Variants in PNISR observed in about 807,000 individuals in gnomAD.
PNISR encodes arginine/serine-rich protein PNISR.
PNISR carries 20 observed loss-of-function variants against 93.4 expected under a neutral mutation model. The ratio of observed to expected loss-of-function variants is 0.21; its 90% CI spans 0.15 to 0.31. The LOEUF (loss-of-function observed/expected upper bound fraction) is 0.31. Ranked by LOEUF, PNISR falls within the 10% of genes least tolerant of loss-of-function variation. PNISR has a pLI of 1.00. For synonymous variants in PNISR, 305 were observed against 306.5 expected (o/e 0.99, Z 0.05); for missense variants, 893 against 985.4 (o/e 0.91, Z 1.25).
chr6:99,425,191 G>A (rs1395071892), intron 1 of PNISR, 24 bp downstream of exon 1: 3 of 1,226,486 alleles, frequency 2.4e-6, no homozygotes, highest in Admixed American at 4.2e-5. Context: ...AAGTGCCCAC[G>A]TATAATTGTT....
intron 7 of PNISR, among the ~76,000 whole-genome samples, chr6:99,406,743 C>G (rs1003772658): frequency 2.6e-5 from 4 of 152,122 alleles, no homozygotes; most frequent in Admixed American, 1.3e-4. Flanking sequence ...CAAATGCCAG[C>G]AGTTTGTCTC....
chr6:99,409,388 T>A, intron 5 of PNISR, 44 bp from the exon 6 acceptor site: 1 of 1,569,058 alleles, frequency 6.4e-7, no homozygotes, highest in Non-Finnish European at 8.7e-7. Context: ...ATTAATACAA[T>A]ATACTCTCTG....
At chr6:99,403,297 T>C (rs932551660) in intron 10 of PNISR, 1 of 152,278 alleles carries the variant, frequency 6.6e-6, no homozygotes, top group African/African-American at 2.4e-5. Context: ...TTCAAGCTTT[T>C]ACAGCCTTGA....
intron 9 of PNISR, chr6:99,404,262 A>T (rs1775863933): frequency 2.7e-6 from 1 of 364,450 alleles, no homozygotes; most frequent in Admixed American, 4.5e-5. Flanking sequence ...ATAATTCAAA[A>T]TTCATTAGTC....
rs1020327242 is a variant in PNISR at position 99,402,870 on chromosome 6, G to A, written c.1157-160C>T. The A allele has an allele frequency of 1.0e-5, 5 of 478,394 alleles. No homozygotes were observed. The Admixed American group carries it at 1.8e-4, about 17-fold the overall frequency. 29.6% of individuals were successfully genotyped at this position (478,394 alleles called of 1,614,324 possible). The stretch of plus-strand genomic sequence containing the variant: ...AGAAGTATACATTCAAACGCTTAAG[G>A]AGTTCACAGAACCTTCAGGCAAAGG... On this transcript the variant is annotated intron_variant, in intron 10 of 11. Coordinates refer to ENST00000369239, the MANE Select transcript of PNISR (RefSeq NM_032870.4).
At chr6:99,424,009 C>T (rs1779043676) in intron 1 of PNISR, among the ~76,000 whole-genome samples, 1 of 152,008 alleles carries the variant, frequency 6.6e-6, no homozygotes, top group South Asian at 2.1e-4. Context: ...CTTTAAAGAC[C>T]CTCTCTCCAA....
At chr6:99,423,371 T>G (rs1778890981) in intron 1 of PNISR, among the ~76,000 whole-genome samples, 1 of 152,080 alleles carries the variant, frequency 6.6e-6, no homozygotes, top group Non-Finnish European at 1.5e-5. Flanking sequence ...CCAAATAAAT[T>G]ATGTAAATAT....
intron 1 of PNISR, among the ~76,000 whole-genome samples, chr6:99,420,816 A>G (rs1778454625): frequency 6.6e-6 from 1 of 152,344 alleles, no homozygotes; most frequent in East Asian, 1.9e-4. Flanking sequence ...ATGACATACA[A>G]TAATACTTTT....
At chr6:99,420,060 A>G (rs1778338357) in intron 1 of PNISR, among the ~76,000 whole-genome samples, 1 of 152,054 alleles carries the variant, frequency 6.6e-6, no homozygotes, top group Admixed American at 6.5e-5. Flanking sequence ...AATTTTTTGT[A>G]GTTTAGTGGA....
intron 1 of PNISR, among the ~76,000 whole-genome samples, chr6:99,420,039 C>A (rs1778333905): frequency 6.6e-6 from 1 of 152,100 alleles, no homozygotes; most frequent in Non-Finnish European, 1.5e-5. Context: ...CGCCTGCTAC[C>A]ACGCCCGGCT....
chr6:99,419,194 C>CAAAAAA (rs1778211291), intron 1 of PNISR, among the ~76,000 whole-genome samples: 1 of 69,764 alleles, frequency 1.4e-5, no homozygotes, highest in Non-Finnish European at 3.2e-5. Context: ...AAAAAAAGGG[C>CAAAAAA]AATTTACCAT....
intron 1 of PNISR, among the ~76,000 whole-genome samples, chr6:99,424,746 G>C (rs1007661107): frequency 1.3e-5 from 2 of 152,240 alleles, no homozygotes; most frequent in Admixed American, 6.5e-5. Flanking sequence ...TACCTTTAGC[G>C]AAGCTTAACA....
chr6:99,406,441 A>G (rs1244675586), intron 7 of PNISR, among the ~76,000 whole-genome samples: 3 of 152,200 alleles, frequency 2.0e-5, no homozygotes, highest in Non-Finnish European at 4.4e-5. Context: ...TTTTATAAAT[A>G]CCCAGAAAAA....
chr6:99,412,202 G>A (rs1777030897), intron 4 of PNISR: 1 of 481,012 alleles, frequency 2.1e-6, no homozygotes, highest in Non-Finnish European at 4.1e-6. Context: ...GGCTAGACAT[G>A]TTTTACTCTG....
At chr6:99,414,752 T>C (rs1777439821) in intron 2 of PNISR, 62 bp from the exon 3 acceptor site, 1 of 678,444 alleles carries the variant, frequency 1.5e-6, no homozygotes, top group East Asian at 3.1e-5. Context: ...AAACCTCACA[T>C]CAGAAATTAT....
chr6:99,401,714 C>A, intron 11 of PNISR, 84 bp from the exon 12 acceptor site: 3 of 1,006,524 alleles, frequency 3.0e-6, no homozygotes, highest in Non-Finnish European at 4.1e-6. Flanking sequence ...CAGACTGTAA[C>A]AATAGAACAC....
intron 7 of PNISR, among the ~76,000 whole-genome samples, chr6:99,407,481 A>G (rs1582790009): frequency 6.6e-6 from 1 of 152,334 alleles, no homozygotes; most frequent in Non-Finnish European, 1.5e-5. Flanking sequence ...AAGCAAAACT[A>G]ATACCTGCCA....
At chr6:99,406,218 ATCCT>A in intron 7 of PNISR, 50 bp from the exon 8 acceptor site, 2 of 1,272,976 alleles carry the variant, frequency 1.6e-6, no homozygotes, top group Non-Finnish European at 2.2e-6. Flanking sequence ...ATAATGTAAA[ATCCT>A]TATCTTACAT....
At chr6:99,418,447 TAAA>T (rs35015605) in intron 1 of PNISR, among the ~76,000 whole-genome samples, 3 of 144,234 alleles carry the variant, frequency 2.1e-5, no homozygotes, top group Non-Finnish European at 3.1e-5. Flanking sequence ...AAGCTTTTAT[TAAA>T]AAAAAAAAAA....
Sources: allele counts gnomAD v4.1 joint callset (sites outside exome capture counted in the v4.1 genomes callset), GRCh38; gene constraint gnomAD v4.1.1; transcripts MANE v1.5; gene names NCBI Gene and HGNC (gene_info 2026-07-23, HGNC 2026-07-21).